The following WWOX variants were observed in gnomAD, a reference collection of about 807,000 sequenced individuals.
WWOX encodes WW domain containing oxidoreductase, also known as WW domain-containing oxidoreductase.
Under a neutral mutation model 46.2 loss-of-function variants are expected in WWOX, and 69 were observed. The observed-to-expected ratio is 1.49, with a 90% CI of 1.23 to 1.82. The LOEUF is 1.82. WWOX is among the 40% of genes most tolerant of loss of function. WWOX has a pLI of 0.00. For missense variants in WWOX, 919 were observed against 542.6 expected (o/e 1.69, Z -6.89); for synonymous variants, 359 against 202.6 (o/e 1.77, Z -6.56).
intron 8 of WWOX, among the ~76,000 whole-genome samples, chr16:78,545,177 C>G (rs1567634489): frequency 6.6e-6 from 1 of 152,192 alleles, no homozygotes; most frequent in Admixed American, 6.5e-5. Context: ...TGCCCTCCCA[C>G]TGGTACCACT....
intron 8 of WWOX, among the ~76,000 whole-genome samples, chr16:78,955,009 C>G (rs977770253): frequency 6.6e-6 from 1 of 152,082 alleles, no homozygotes; most frequent in African/African-American, 2.4e-5. Flanking sequence ...AGGCTTATCT[C>G]AAACTCCTGG....
chr16:78,701,593 C>G (rs1015819930), intron 8 of WWOX, among the ~76,000 whole-genome samples: 4 of 152,190 alleles, frequency 2.6e-5, no homozygotes, highest in African/African-American at 9.6e-5. Flanking sequence ...ATATATCTCC[C>G]TCTCCCTCCA....
At chr16:78,874,980 A>C (rs150542104) in intron 8 of WWOX, among the ~76,000 whole-genome samples, 33 of 152,258 alleles carry the variant, frequency 2.2e-4, no homozygotes, top group Middle Eastern at 3.4e-3. Context: ...CGTTGCATAC[A>C]TGCCTTTGAG....
chr16:78,325,537 G>A lies in WWOX; in HGVS notation c.517-61323G>A, dbSNP rs1195376373. ...AGTTACCACCGTGATGGAGAGGTGC[G>A]ATTTCCCTCCACATAATCTTCAGTT... On this transcript the variant is annotated intron_variant, in intron 5 of 8. Coordinates refer to ENST00000566780, the MANE Select transcript of WWOX (RefSeq NM_016373.4). Among the ~76,000 whole-genome samples, 10 of 152,212 alleles carry A rather than the reference G, an allele frequency of 6.6e-5. No homozygotes were observed. The East Asian group carries it at 1.4e-3, about 21-fold the overall frequency.
intron 8 of WWOX, among the ~76,000 whole-genome samples, chr16:78,957,511 T>A (rs925432267): frequency 1.3e-5 from 2 of 152,208 alleles, no homozygotes; most frequent in African/African-American, 4.8e-5. Flanking sequence ...ACAGGTGTTC[T>A]GTGGGAACTG....
chr16:78,289,623 C>T (rs2079827945), intron 5 of WWOX, among the ~76,000 whole-genome samples: 2 of 152,122 alleles, frequency 1.3e-5, no homozygotes, highest in Non-Finnish European at 2.9e-5. Flanking sequence ...AAATGATTCA[C>T]CTCATGAACG....
chr16:78,999,975 A>C (rs73567368), intron 8 of WWOX, among the ~76,000 whole-genome samples: 3,756 of 152,044 alleles, frequency 0.025, 172 homozygotes, highest in African/African-American at 0.086. Flanking sequence ...TCCTTAGGGG[A>C]AATGAAAAAT....
Position 78,860,160 on chromosome 16 carries a change from A to G in WWOX, c.1057-351448A>G, listed in dbSNP as rs113581437. On this transcript the variant is annotated intron_variant, in intron 8 of 8. Coordinates refer to ENST00000566780, the MANE Select transcript of WWOX (RefSeq NM_016373.4). ...ATCCTTATTCCATCGCCCATATCCT[A>G]AAATGTAGATTGTATTAGTTGAGAA... Among the ~76,000 whole-genome samples the G allele has an allele frequency of 2.3e-4, 35 of 152,346 alleles. 1 individual carries two copies. The highest frequency in any genetic ancestry group is 7.7e-4 in the African/African-American group (32 of 41,584).
rs148160724 is a variant in WWOX, at chr16:78,918,646, C to T, written c.1057-292962C>T. 3.7e-3 allele frequency among the ~76,000 whole-genome samples: 568 copies of T among 152,262 alleles called. 2 individuals carry two copies. Among genetic ancestry groups the T allele is most frequent in the Admixed American group, 8.5e-3 (130 of 15,302 alleles). On this transcript the variant is annotated intron_variant, in intron 8 of 8. Transcript: ENST00000566780. ...TTAGTTTTATTACTAATGATAATAA[C>T]AGTTAATGTTGAAATCAGCTCCATC...
intron 5 of WWOX, among the ~76,000 whole-genome samples, chr16:78,340,935 C>T (rs773096181): frequency 1.7e-5 from 2 of 118,856 alleles, no homozygotes; most frequent in Non-Finnish European, 4.0e-5. Context: ...TGATGGTATC[C>T]TGCTGGGCTG....
intron 8 of WWOX, among the ~76,000 whole-genome samples, chr16:78,667,405 T>G (rs1483128866): frequency 6.6e-6 from 1 of 152,180 alleles, no homozygotes; most frequent in Admixed American, 6.5e-5. Context: ...GTGTGGTGGC[T>G]CACGCCTGTA....
intron 5 of WWOX, among the ~76,000 whole-genome samples, chr16:78,376,881 G>C (rs111785256): frequency 6.6e-6 from 1 of 152,150 alleles, no homozygotes; most frequent in African/African-American, 2.4e-5. Context: ...GGATCATTCC[G>C]ATTTCCCAAG....
chr16:79,005,910 G>T (rs2036721344), intron 8 of WWOX, among the ~76,000 whole-genome samples: 1 of 152,140 alleles, frequency 6.6e-6, no homozygotes, highest in Admixed American at 6.5e-5. Flanking sequence ...AGAACAGAAG[G>T]CAGCCCTGGT....
chr16:78,109,241 C>A (rs937452499), intron 2 of WWOX, among the ~76,000 whole-genome samples: 5 of 152,018 alleles, frequency 3.3e-5, no homozygotes, highest in Non-Finnish European at 5.9e-5. Flanking sequence ...GATCCCAGCC[C>A]TTTGGGAGGC....
At chr16:78,988,499 C>A (rs2046824174) in intron 8 of WWOX, among the ~76,000 whole-genome samples, 1 of 152,030 alleles carries the variant, frequency 6.6e-6, no homozygotes, top group African/African-American at 2.4e-5. Context: ...GGAGCTGTAA[C>A]CTTTGGTTGA....
intron 8 of WWOX, among the ~76,000 whole-genome samples, chr16:78,827,630 C>G (rs961028159): frequency 6.6e-6 from 1 of 150,766 alleles, no homozygotes; most frequent in Admixed American, 6.6e-5. Flanking sequence ...GTCAGGACTT[C>G]GAGACCAGCC....
At position 79,172,898 on chromosome 16, in the gene WWOX, G is replaced by A. The variant is rs530259436; in HGVS notation, c.1057-38710G>A. Among the ~76,000 whole-genome samples the A allele has an allele frequency of 2.0e-5, 3 of 151,898 alleles. No homozygotes were observed. The East Asian group carries it at 5.8e-4, about 30-fold the overall frequency. ...ATGCCAGGTGTAGTGGTGTGCGCCTGTAGTCCCAGCTACTCAGGGGGCTGA... is the reference window on the plus strand; with the variant it reads ...ATGCCAGGTGTAGTGGTGTGCGCCTATAGTCCCAGCTACTCAGGGGGCTGA... On this transcript the variant is annotated intron_variant, in intron 8 of 8. Transcript: ENST00000566780.
intron 8 of WWOX, among the ~76,000 whole-genome samples, chr16:78,894,046 T>TATTATTATTATA (rs1269970539): frequency 2.7e-5 from 4 of 147,998 alleles, no homozygotes; most frequent in African/African-American, 4.9e-5. Flanking sequence ...TTATTATTAT[T>TATTATTATTATA]ATTATATTTT....
intron 8 of WWOX, among the ~76,000 whole-genome samples, chr16:78,738,679 C>T (rs74029951): frequency 0.024 from 3,645 of 152,188 alleles, 128 homozygotes; most frequent in African/African-American, 0.083. Context: ...TTTGCTTCTC[C>T]TGGCTAGAAT....
Sources: gnomAD v4.1 joint callset for allele counts (sites outside exome capture counted in the v4.1 genomes callset) on GRCh38, gnomAD v4.1.1 for gene constraint, MANE v1.5 for transcripts, NCBI Gene and HGNC (gene_info 2026-07-23, HGNC 2026-07-21) for gene names.